Variants in GRID1 observed in about 807,000 individuals in gnomAD.
GRID1 encodes glutamate ionotropic receptor delta type subunit 1, also known as glutamate receptor ionotropic, delta-1.
In GRID1, 28 loss-of-function variants were observed where a neutral mutation model predicts 98.0. That is an observed-to-expected ratio of 0.29 (90% CI 0.21 to 0.39). GRID1 has a LOEUF of 0.39. GRID1 is among the 10% of genes least tolerant of loss of function. The probability of loss-of-function intolerance (pLI) is 1.00; values close to 1 mark genes in which losing one functional copy is unlikely to be tolerated. For missense variants in GRID1, 1,111 were observed against 1,340.5 expected, an observed-to-expected ratio of 0.83 and a Z score of 2.67; for synonymous variants, 553 against 538.5, an observed-to-expected ratio of 1.03 and a Z score of -0.37.
intron 8 of GRID1, among the ~76,000 whole-genome samples, chr10:85,766,680 C>CAAAAATG (rs1267855493): frequency 6.8e-6 from 1 of 148,014 alleles, no homozygotes; most frequent in Non-Finnish European, 1.5e-5. Flanking sequence ...AAAGAGTAGC[C>CAAAAATG]AAAAATGACA....
intron 4 of GRID1, among the ~76,000 whole-genome samples, chr10:86,005,981 T>A (rs1382913746): frequency 6.6e-6 from 1 of 152,246 alleles, no homozygotes; most frequent in African/African-American, 2.4e-5. Flanking sequence ...AGAATTTTCA[T>A]GAACCCTAAT....
intron 3 of GRID1, among the ~76,000 whole-genome samples, chr10:86,170,742 A>T (rs2131992995): frequency 6.6e-6 from 1 of 152,326 alleles, no homozygotes; most frequent in South Asian, 2.1e-4. Context: ...TTGGCTGACA[A>T]AGGAGGAAGA....
chr10:86,312,439 T>A (rs1019787195), intron 2 of GRID1, among the ~76,000 whole-genome samples: 14 of 152,226 alleles, frequency 9.2e-5, no homozygotes, highest in African/African-American at 3.4e-4. Context: ...ACTGCTTTCC[T>A]TCCAATCCGC....
intron 8 of GRID1, among the ~76,000 whole-genome samples, chr10:85,782,697 C>A (rs915082828): frequency 6.6e-6 from 1 of 152,216 alleles, no homozygotes; most frequent in East Asian, 1.9e-4. Context: ...AAGGCCCTGA[C>A]GTAGATGCAT....
chr10:85,914,264 G>A (rs185015002), intron 5 of GRID1, among the ~76,000 whole-genome samples: 9 of 152,260 alleles, frequency 5.9e-5, no homozygotes, highest in Admixed American at 2.6e-4. Flanking sequence ...ATGTAAAAAC[G>A]GAGTAATTCT....
chr10:85,976,944 TC>T (rs774982325), intron 4 of GRID1, among the ~76,000 whole-genome samples: 3 of 152,216 alleles, frequency 2.0e-5, no homozygotes, highest in Non-Finnish European at 4.4e-5. Context: ...GTTTTTCTTC[TC>T]CTGCTCCAAA....
At chr10:85,680,625 A>G (rs921380644) in intron 12 of GRID1, among the ~76,000 whole-genome samples, 3 of 152,228 alleles carry the variant, frequency 2.0e-5, no homozygotes, top group Non-Finnish European at 4.4e-5. Context: ...ACTACTGGGT[A>G]TCTACCAAAG....
At chr10:85,708,334 G>A (rs1841546304) in intron 12 of GRID1, among the ~76,000 whole-genome samples, 1 of 151,734 alleles carries the variant, frequency 6.6e-6, no homozygotes, top group Non-Finnish European at 1.5e-5. Context: ...AGCCCAGGAG[G>A]CGGAGCTTGC....
chr10:86,168,914 G>A (rs999575118), intron 3 of GRID1, among the ~76,000 whole-genome samples: 1 of 152,186 alleles, frequency 6.6e-6, no homozygotes, highest in Non-Finnish European at 1.5e-5. Context: ...TGGACCTTGT[G>A]AGTTCAGCTC....
Position 85,892,773 on chromosome 10 carries a change from A to T in GRID1, c.780+23413T>A, listed in dbSNP as rs59757183. Among the ~76,000 whole-genome samples, 886 of 152,220 alleles carry T rather than the reference A, an allele frequency of 5.8e-3. 7 individuals carry two copies. The highest frequency in any genetic ancestry group is 0.02 in the African/African-American group (837 of 41,564). ...AGATAACGTCATTGGTGAATTCTAC[A>T]TGCATTTATGGAAGAAAGAATACCA... On this transcript the variant is annotated intron_variant, in intron 5 of 15. Coordinates refer to ENST00000327946, the MANE Select transcript of GRID1 (RefSeq NM_017551.3).
intron 4 of GRID1, among the ~76,000 whole-genome samples, chr10:85,995,087 G>A (rs1206988520): frequency 6.6e-6 from 1 of 151,840 alleles, no homozygotes; most frequent in Non-Finnish European, 1.5e-5. Context: ...TATGTTAAAA[G>A]TTATTTTTCA....
Position 86,161,316 on chromosome 10 carries a change from G to A in GRID1, c.521-22292C>T, listed in dbSNP as rs536417315. 3.3e-5 allele frequency among the ~76,000 whole-genome samples: 5 copies of A among 152,236 alleles called. No homozygotes were observed. In the South Asian group the frequency reaches 6.2e-4, roughly 19 times the overall value. The stretch of plus-strand genomic sequence containing the variant: ...CTAGAGGTTTCTGAAGCCTGCATAG[G>A]GGGTGGTGTAAGAGGGAAGACAGGG... On this transcript the variant is annotated intron_variant, in intron 3 of 15. Coordinates refer to ENST00000327946, the MANE Select transcript of GRID1 (RefSeq NM_017551.3).
Position 86,138,835 on chromosome 10 carries a change from T to C in GRID1, c.710A>G (p.His237Arg), listed in dbSNP as rs769034696. Residue 237 changes from histidine to arginine, a missense_variant, in exon 4 of 16, where the codon CAC becomes CGC. By Grantham distance (29) the His-to-Arg change is conservative. Coordinates refer to ENST00000327946, the MANE Select transcript of GRID1 (RefSeq NM_017551.3). ...ATGACCTACCTCGTTGATGAAGGAGTGGGCTCCCTGTGGGCTGAGCAGCAG... is the reference window on the plus strand; with the variant it reads ...ATGACCTACCTCGTTGATGAAGGAGCGGGCTCCCTGTGGGCTGAGCAGCAG... ...AILLLSPQGAHSFINEAVETN... is the reference protein window; with the variant it reads ...AILLLSPQGARSFINEAVETN... 6.2e-7 allele frequency: 1 copy of C among 1,613,886 alleles called. No individual in the cohort carries two copies. Among genetic ancestry groups the C allele is most frequent in the South Asian group, 1.1e-5 (1 of 91,064 alleles).
chr10:85,697,693 C>G (rs553008283), intron 12 of GRID1, among the ~76,000 whole-genome samples: 2 of 152,084 alleles, frequency 1.3e-5, no homozygotes, highest in Non-Finnish European at 2.9e-5. Context: ...TTATGGTGGC[C>G]TGAAGGCAAG....
intron 4 of GRID1, among the ~76,000 whole-genome samples, chr10:86,029,525 T>C (rs1843157233): frequency 6.6e-6 from 1 of 152,212 alleles, no homozygotes; most frequent in Admixed American, 6.5e-5. Context: ...AAGACTAAAG[T>C]TTATTCTATG....
chr10:86,174,440 T>G (rs1229795042), intron 3 of GRID1, among the ~76,000 whole-genome samples: 1 of 151,824 alleles, frequency 6.6e-6, no homozygotes, highest in African/African-American at 2.4e-5. Flanking sequence ...GCTAGCCATA[T>G]GTAGAAAGCT....
chr10:85,900,850 A>G lies in GRID1; in HGVS notation c.780+15336T>C, dbSNP rs192283293. Among the ~76,000 whole-genome samples, 386 of 152,362 alleles carry G rather than the reference A, an allele frequency of 2.5e-3. 1 individual carries two copies. Among genetic ancestry groups the G allele is most frequent in the Non-Finnish European group, 3.8e-3 (260 of 68,038 alleles). On this transcript the variant is annotated intron_variant, in intron 5 of 15. Coordinates refer to ENST00000327946, the MANE Select transcript of GRID1 (RefSeq NM_017551.3). ...TGAACAATAGCTTGTCAAGAGTTAC[A>G]TATCATGGGAGGGAGAGAGGCCATG...
chr10:86,304,481 AC>A (rs1847732475), intron 2 of GRID1, among the ~76,000 whole-genome samples: 1 of 152,186 alleles, frequency 6.6e-6, no homozygotes, highest in African/African-American at 2.4e-5. Flanking sequence ...TCTGAGCAGG[AC>A]CCAGTAGGCA....
At position 85,602,591 on chromosome 10, in the gene GRID1, C is replaced by A. The variant is rs754271092; in HGVS notation, c.2712G>T (p.Glu904Asp). 32 of 1,613,902 alleles carry A rather than the reference C, an allele frequency of 2.0e-5. No individual in the cohort carries two copies. In the South Asian group the frequency reaches 3.4e-4, roughly 17 times the overall value. ...TCTGGGTGGGAGCCAGGCCCCCCAT[C>A]TCCAGGGCCGAGAGCTCAATCGACG... ...SPASIELSAL[E>D]MGGLAPTQTL... Residue 904 changes from glutamate (E) to aspartate (D), a missense_variant, in exon 16 of 16, where the codon GAG (glutamate) becomes GAT (aspartate). Physicochemically the swap from Glu to Asp is conservative, Grantham distance 45. Around this residue, in one of 3 missense-constraint regions of GRID1, gnomAD observed 762 missense variants for 869.1 expected, o/e 0.88. Coordinates refer to ENST00000327946, the MANE Select transcript of GRID1 (RefSeq NM_017551.3).
Sources: allele counts gnomAD v4.1 joint callset (sites outside exome capture counted in the v4.1 genomes callset), GRCh38; gene constraint gnomAD v4.1.1; regional missense constraint gnomAD v4.1.1; transcripts MANE v1.5; gene names NCBI Gene and HGNC (gene_info 2026-07-23, HGNC 2026-07-21).